CNTNAP2: variants seen among roughly 807,000 people sequenced by gnomAD.
The protein encoded by CNTNAP2 is contactin associated protein 2.
Under a neutral mutation model 155.2 loss-of-function variants are expected in CNTNAP2, and 98 were observed. That is an observed-to-expected ratio of 0.63 (90% confidence interval 0.54 to 0.75). CNTNAP2 has a LOEUF of 0.75. CNTNAP2 is among the 30% of genes least tolerant of loss of function. The probability of loss-of-function intolerance (pLI) is 0.00; values close to 1 mark genes in which losing one functional copy is unlikely to be tolerated. For missense variants in CNTNAP2, 1,727 were observed against 1,688.1 expected (o/e 1.02, Z -0.40); for synonymous variants, 651 against 631.2 (o/e 1.03, Z -0.47).
intron 13 of CNTNAP2, among the ~76,000 whole-genome samples, chr7:147,641,120 C>G (rs1013174982): frequency 2.6e-5 from 4 of 152,218 alleles, no homozygotes; most frequent in Non-Finnish European, 4.4e-5. Context: ...GCTTGCCGGC[C>G]TGGCTCTAAG....
intron 1 of CNTNAP2, among the ~76,000 whole-genome samples, chr7:146,408,127 A>G (rs1349691589): frequency 6.6e-6 from 1 of 152,198 alleles, no homozygotes; most frequent in Non-Finnish European, 1.5e-5. Context: ...CATTTTGTTC[A>G]AAGGTCAACC....
Position 146,977,598 on chromosome 7 carries a change from T to C in CNTNAP2, c.403-66309T>C, listed in dbSNP as rs192255841. 2.4e-3 allele frequency among the ~76,000 whole-genome samples: 360 copies of C among 152,328 alleles called. 2 individuals are homozygous for C. The highest frequency in any genetic ancestry group is 8.2e-3 in the African/African-American group (341 of 41,574). ...GCTAAAATTGTTGAACACATAATCA[T>C]GACAGGGTAAATTAACTATTTCACT... On this transcript the variant is annotated intron_variant, in intron 3 of 23. Coordinates refer to ENST00000361727, the MANE Select transcript of CNTNAP2 (RefSeq NM_014141.6).
intron 18 of CNTNAP2, among the ~76,000 whole-genome samples, chr7:148,174,603 C>T (rs17549785): frequency 0.36 from 54,312 of 152,112 alleles, 10,368 homozygotes; most frequent in Middle Eastern, 0.52. Context: ...AAGGCCCAAC[C>T]TACCACACAC....
chr7:147,426,072 A>G (rs1387630461), intron 10 of CNTNAP2, among the ~76,000 whole-genome samples: 2 of 152,164 alleles, frequency 1.3e-5, no homozygotes, highest in African/African-American at 4.8e-5. Flanking sequence ...TATCTTGAGC[A>G]GAATTCTATG....
intron 11 of CNTNAP2, among the ~76,000 whole-genome samples, chr7:147,547,006 C>G (rs6964948): frequency 6.6e-6 from 1 of 152,030 alleles, no homozygotes; most frequent in African/African-American, 2.4e-5. Context: ...CTAATCAAAA[C>G]CTAGGAGACA....
At chr7:147,423,811 C>T (rs932847154) in intron 10 of CNTNAP2, among the ~76,000 whole-genome samples, 17 of 152,306 alleles carry the variant, frequency 1.1e-4, no homozygotes, top group African/African-American at 3.8e-4. Flanking sequence ...TCTAAATTCA[C>T]TGTTAACAAA....
chr7:147,535,137 A>G (rs1478729699), intron 11 of CNTNAP2, among the ~76,000 whole-genome samples: 1 of 152,208 alleles, frequency 6.6e-6, no homozygotes, highest in Non-Finnish European at 1.5e-5. Context: ...TCATGCCTAT[A>G]ATCCCAGCAC....
chr7:146,384,859 A>T (rs1216547609), intron 1 of CNTNAP2, among the ~76,000 whole-genome samples: 1 of 152,190 alleles, frequency 6.6e-6, no homozygotes, highest in Non-Finnish European at 1.5e-5. Flanking sequence ...CCCTACCATA[A>T]TGTCATCACA....
chr7:146,901,702 A>G (rs1796005396), intron 3 of CNTNAP2, among the ~76,000 whole-genome samples: 1 of 152,130 alleles, frequency 6.6e-6, no homozygotes, highest in African/African-American at 2.4e-5. Context: ...CAAAAACTAA[A>G]AGACAAAGTC....
intron 4 of CNTNAP2, among the ~76,000 whole-genome samples, chr7:147,095,228 G>A (rs544328580): frequency 6.8e-6 from 1 of 146,706 alleles, no homozygotes; most frequent in South Asian, 2.2e-4. Flanking sequence ...TACAGATGGG[G>A]TTTCACCATG....
chr7:148,254,647 G>A (rs911935880), intron 20 of CNTNAP2, among the ~76,000 whole-genome samples: 13 of 151,882 alleles, frequency 8.6e-5, no homozygotes, highest in Non-Finnish European at 1.9e-4. Flanking sequence ...TTGGTGGCGG[G>A]CACCTGTAGT....
At chr7:147,217,617 A>T (rs1282949181) in intron 8 of CNTNAP2, among the ~76,000 whole-genome samples, 1 of 151,856 alleles carries the variant, frequency 6.6e-6, no homozygotes, top group Non-Finnish European at 1.5e-5. Flanking sequence ...GTTTTCTTCT[A>T]CTGTCTCTGT....
At chr7:147,382,906 T>C (rs1796560513) in intron 9 of CNTNAP2, among the ~76,000 whole-genome samples, 1 of 152,220 alleles carries the variant, frequency 6.6e-6, no homozygotes, top group African/African-American at 2.4e-5. Flanking sequence ...TCAAACTTTT[T>C]AATACTGCCA....
chr7:146,386,296 G>C (rs1469983374), intron 1 of CNTNAP2, among the ~76,000 whole-genome samples: 1 of 152,092 alleles, frequency 6.6e-6, no homozygotes, highest in Non-Finnish European at 1.5e-5. Context: ...AATGTTCAAT[G>C]CTCACATTAT....
In CNTNAP2 at chr7:146,572,310, A is replaced by G. The variant is rs569216632; in HGVS notation, c.98-201961A>G. On this transcript the variant is annotated intron_variant, in intron 1 of 23. Transcript: ENST00000361727. ...GTAATCCCTAAAAACATCCAAGGAA[A>G]GGACATTGAAAATCCCTGGGAAAGA... Among the ~76,000 whole-genome samples the G allele has an allele frequency of 3.3e-5, 5 of 150,586 alleles. No individual in the cohort carries two copies. In the East Asian group the frequency reaches 9.8e-4, roughly 30 times the overall value.
chr7:146,319,637 T>C (rs1584867181), intron 1 of CNTNAP2, among the ~76,000 whole-genome samples: 2 of 152,358 alleles, frequency 1.3e-5, no homozygotes, highest in African/African-American at 4.8e-5. Context: ...TGGATGCATA[T>C]TTAAGATGTG....
intron 1 of CNTNAP2, among the ~76,000 whole-genome samples, chr7:146,616,532 ATGGT>A (rs1286152731): frequency 6.6e-6 from 1 of 152,136 alleles, no homozygotes; most frequent in African/African-American, 2.4e-5. Flanking sequence ...AGTTGTTCAG[ATGGT>A]TGGTGTTTCT....
intron 1 of CNTNAP2, among the ~76,000 whole-genome samples, chr7:146,672,482 G>A (rs952682982): frequency 6.6e-6 from 1 of 152,120 alleles, no homozygotes; most frequent in African/African-American, 2.4e-5. Context: ...GCATTCTCTT[G>A]GCCAAAACAA....
chr7:147,343,506 C>T (rs1421554562), intron 9 of CNTNAP2, among the ~76,000 whole-genome samples: 1 of 152,146 alleles, frequency 6.6e-6, no homozygotes, highest in Non-Finnish European at 1.5e-5. Flanking sequence ...ACTTTGGGCA[C>T]ATCCTGATAC....
Sources: gnomAD v4.1 joint callset for allele counts (sites outside exome capture counted in the v4.1 genomes callset) on GRCh38, gnomAD v4.1.1 for gene constraint, MANE v1.5 for transcripts, NCBI Gene and HGNC (gene_info 2026-07-23, HGNC 2026-07-21) for gene names.